ATP6V0D1: variants seen among roughly 807,000 people sequenced by gnomAD.
ATP6V0D1 encodes V-type proton ATPase subunit d 1.
A neutral mutation model predicts 39.0 loss-of-function variants in ATP6V0D1; 13 were observed. The ratio of observed to expected loss-of-function variants is 0.33; its 90% CI spans 0.22 to 0.53. ATP6V0D1 has a LOEUF of 0.53. ATP6V0D1 is among the 20% of genes least tolerant of loss of function. The probability of loss-of-function intolerance (pLI) is 0.94; values close to 1 mark genes in which losing one functional copy is unlikely to be tolerated. For synonymous variants in ATP6V0D1, 191 were observed against 191.2 expected, an observed-to-expected ratio of 1.00 and a Z score of 0.01; for missense variants, 272 against 470.9, an observed-to-expected ratio of 0.58 and a Z score of 3.91.
At chr16:67,464,720 C>G (rs1282396925) in intron 1 of ATP6V0D1, among the ~76,000 whole-genome samples, 2 of 152,276 alleles carry the variant, frequency 1.3e-5, no homozygotes, top group Non-Finnish European at 2.9e-5. Flanking sequence ...AAAGCCCCAT[C>G]CACCAGCCAA....
At chr16:67,466,326 T>TACACACATAC (rs2041329233) in intron 1 of ATP6V0D1, among the ~76,000 whole-genome samples, 1 of 120,504 alleles carries the variant, frequency 8.3e-6, no homozygotes. Flanking sequence ...AGTAAACACA[T>TACACACATAC]ACACACACAC....
At chr16:67,439,836 G>A (rs2041027797) in intron 4 of ATP6V0D1, 1 of 162,928 alleles carries the variant, frequency 6.1e-6, no homozygotes, top group Non-Finnish European at 1.3e-5. Flanking sequence ...GGTCAAGATG[G>A]TGAAACCCCG....
At chr16:67,457,614 A>C in intron 1 of ATP6V0D1, 1 of 1,289,536 alleles carries the variant, frequency 7.8e-7, no homozygotes, top group Non-Finnish European at 1.0e-6. Context: ...TCACTCAGGG[A>C]CAAGTCCCTC....
At chr16:67,469,731 A>G (rs1472103930) in intron 1 of ATP6V0D1, among the ~76,000 whole-genome samples, 3 of 152,214 alleles carry the variant, frequency 2.0e-5, no homozygotes, top group African/African-American at 4.8e-5. Flanking sequence ...TTGCTTACCT[A>G]TATGTCCTAA....
chr16:67,445,253 C>T (rs566389920), intron 2 of ATP6V0D1, among the ~76,000 whole-genome samples: 1 of 152,216 alleles, frequency 6.6e-6, no homozygotes, highest in East Asian at 1.9e-4. Flanking sequence ...CTGCAGCAGG[C>T]GGGGGGCAGA....
intron 2 of ATP6V0D1, chr16:67,452,390 T>C (rs961474037): frequency 2.6e-6 from 4 of 1,535,594 alleles, no homozygotes; most frequent in Non-Finnish European, 3.5e-6. Flanking sequence ...GCTGCAGCAC[T>C]TCTTGAGCAA....
At chr16:67,448,204 T>TA (rs2041138945) in intron 2 of ATP6V0D1, among the ~76,000 whole-genome samples, 1 of 151,438 alleles carries the variant, frequency 6.6e-6, no homozygotes, top group South Asian at 2.1e-4. Context: ...TCAAAAAAAT[T>TA]AGCCAGGTGT....
intron 1 of ATP6V0D1, among the ~76,000 whole-genome samples, chr16:67,470,981 G>T (rs1180022467): frequency 6.6e-6 from 1 of 152,164 alleles, no homozygotes; most frequent in Non-Finnish European, 1.5e-5. Context: ...CTAGAGAGCT[G>T]CAAGAGCAGC....
In ATP6V0D1 at chr16:67,447,099, C is replaced by T. The variant is rs1250986188; in HGVS notation, c.303-2393G>A. Among the ~76,000 whole-genome samples, 4 of 152,296 alleles carry T rather than the reference C, an allele frequency of 2.6e-5. No homozygotes were observed. The highest frequency in any genetic ancestry group is 1.9e-4 in the East Asian group (1 of 5,176). On this transcript the variant is annotated intron_variant, in intron 2 of 7. Coordinates refer to ENST00000290949, the MANE Select transcript of ATP6V0D1 (RefSeq NM_004691.5). The surrounding 1 kb of genome is among the most constrained non-coding windows in gnomAD (Gnocchi z 4.1). Reference sequence around the variant, plus strand: ...CTCTTTTTCAACGTCCCCCTCCTTGCGCCCCCCACTCAGGGCATCTGTTTA... The same window carrying T: ...CTCTTTTTCAACGTCCCCCTCCTTGTGCCCCCCACTCAGGGCATCTGTTTA...
At chr16:67,459,326 C>T in intron 1 of ATP6V0D1, 1 of 933,144 alleles carries the variant, frequency 1.1e-6, no homozygotes, top group Non-Finnish European at 1.3e-6. Flanking sequence ...CAGGCCGGCC[C>T]TGTCCACCCT....
chr16:67,458,177 G>A (rs2041257224), intron 1 of ATP6V0D1, among the ~76,000 whole-genome samples: 1 of 152,198 alleles, frequency 6.6e-6, no homozygotes, highest in African/African-American at 2.4e-5. Flanking sequence ...GTGGCTGGCA[G>A]CCCCAAGCCC....
chr16:67,480,820 G>C, intron 1 of ATP6V0D1, 137 bp downstream of exon 1: 1 of 1,285,164 alleles, frequency 7.8e-7, no homozygotes, highest in Non-Finnish European at 1.1e-6. Flanking sequence ...GCTCCTGCGC[G>C]TCCGCTATCA....
Position 67,444,744 on chromosome 16 carries a change from T to A in ATP6V0D1, c.303-38A>T. On this transcript the variant is annotated intron_variant, in intron 2 of 7. Coordinates refer to ENST00000290949, the MANE Select transcript of ATP6V0D1 (RefSeq NM_004691.5). This position sits in a 1 kb window ranked among gnomAD's most constrained non-coding sequence, Gnocchi z 4.8. ...GGCAATAGCAAGGAGCCCATCAAGG[T>A]GGGGGCCGGGAAGTCCTGGCATAGC... 6.5e-7 allele frequency: 1 copy of A among 1,536,064 alleles called. No homozygotes were observed. The highest frequency in any genetic ancestry group is 1.2e-5 in the South Asian group (1 of 82,370).
rs2041200215 is a variant in ATP6V0D1, at chr16:67,453,120, C to T, written c.302+424G>A. Among the ~76,000 whole-genome samples the T allele has an allele frequency of 6.6e-6, 1 of 152,198 alleles. No individual in the cohort carries two copies. The highest frequency in any genetic ancestry group is 2.4e-5 in the African/African-American group (1 of 41,446). On this transcript the variant is annotated intron_variant, in intron 2 of 7. Transcript: ENST00000290949. This position sits in a 1 kb window ranked among gnomAD's most constrained non-coding sequence, Gnocchi z 4.1. ...GAGCTCTGTCCATCCCGACACCTGA[C>T]CCCTCGCATGGGGAGTGGGGCCTGG...
chr16:67,443,431 CT>C (rs1434051177), intron 3 of ATP6V0D1: 2 of 501,548 alleles, frequency 4.0e-6, no homozygotes, highest in Non-Finnish European at 7.2e-6. Context: ...ATAACATGAT[CT>C]AATCACCGCT....
intron 1 of ATP6V0D1, chr16:67,457,271 A>C: frequency 3.6e-6 from 1 of 278,656 alleles, no homozygotes; most frequent in Non-Finnish European, 7.3e-6. Context: ...CAGACAGAAC[A>C]TGAAACCTGT....
At chr16:67,449,805 A>T (rs575286513) in intron 2 of ATP6V0D1, among the ~76,000 whole-genome samples, 15 of 152,330 alleles carry the variant, frequency 9.8e-5, no homozygotes, top group Admixed American at 8.5e-4. Context: ...TCCCAGCCCC[A>T]GGCCTGGCCC....
intron 2 of ATP6V0D1, among the ~76,000 whole-genome samples, chr16:67,450,257 C>T (rs943528940): frequency 2.0e-5 from 3 of 152,158 alleles, no homozygotes; most frequent in Non-Finnish European, 2.9e-5. Context: ...GCACCATGCT[C>T]GCTACTCAGG....
At chr16:67,446,333 C>T (rs570473132) in intron 2 of ATP6V0D1, among the ~76,000 whole-genome samples, 185 of 152,294 alleles carry the variant, frequency 1.2e-3, no homozygotes, top group Non-Finnish European at 2.1e-3. Flanking sequence ...TGGCGCCCTG[C>T]GAAGACCTTT....
Sources: gnomAD v4.1 joint callset for allele counts (sites outside exome capture counted in the v4.1 genomes callset) on GRCh38, gnomAD v4.1.1 for gene constraint, Gnocchi (gnomAD v3.1) non-coding constraint, MANE v1.5 for transcripts, NCBI Gene and HGNC (gene_info 2026-07-23, HGNC 2026-07-21) for gene names.